The following MKLN1 variants were observed in gnomAD, a reference collection of about 807,000 sequenced individuals.
MKLN1 encodes muskelin.
In MKLN1, 18 loss-of-function variants were observed where a neutral mutation model predicts 99.0. The ratio of observed to expected loss-of-function variants is 0.18; its 90% CI spans 0.13 to 0.27. The LOEUF (loss-of-function observed/expected upper bound fraction) is 0.27. Among genes scored for constraint, MKLN1 ranks in the 10% least tolerant of loss-of-function variants. The pLI, the probability that MKLN1 is intolerant of heterozygous loss-of-function variation, is 1.00. For synonymous variants in MKLN1, 288 were observed against 293.2 expected (o/e 0.98, Z 0.18); for missense variants, 621 against 875.9 (o/e 0.71, Z 3.67).
chr7:131,290,934 C>G (rs1461811436), intron 3 of MKLN1, among the ~76,000 whole-genome samples: 2 of 152,080 alleles, frequency 1.3e-5, no homozygotes, highest in Non-Finnish European at 2.9e-5. Context: ...ATAACACTGA[C>G]TCTAGGTCAG....
At chr7:131,392,896 C>T (rs13224041) in intron 4 of MKLN1, among the ~76,000 whole-genome samples, 11 of 151,768 alleles carry the variant, frequency 7.2e-5, no homozygotes, top group East Asian at 1.9e-4. Context: ...TGAGCCACTG[C>T]GCCTGGCCTA....
chr7:131,469,012 A>G (rs1188822484), intron 15 of MKLN1, among the ~76,000 whole-genome samples: 1 of 152,196 alleles, frequency 6.6e-6, no homozygotes, highest in Admixed American at 6.5e-5. Context: ...ATACTGGAAC[A>G]ATTCTAGTAG....
chr7:131,428,086 G>A (rs1345775206), intron 8 of MKLN1, among the ~76,000 whole-genome samples: 2 of 152,024 alleles, frequency 1.3e-5, no homozygotes, highest in South Asian at 2.1e-4. Context: ...TGGAGGGATT[G>A]CTTGAACCCA....
chr7:131,395,577 GT>G (rs1794337422), intron 4 of MKLN1, among the ~76,000 whole-genome samples: 1 of 151,372 alleles, frequency 6.6e-6, no homozygotes, highest in African/African-American at 2.4e-5. Flanking sequence ...GGTGCCATTA[GT>G]TTGGTACCAA....
chr7:131,134,356 T>A (rs906916363), intron 1 of MKLN1, among the ~76,000 whole-genome samples: 35 of 152,140 alleles, frequency 2.3e-4, no homozygotes, highest in Non-Finnish European at 4.1e-4. Flanking sequence ...TCAGGCTTTT[T>A]TTCAGTGTTC....
At position 131,242,555 on chromosome 7, in the gene MKLN1, T is replaced by G. The variant is rs1008324860; in HGVS notation, c.-179+39581T>G. 1.1e-5 allele frequency: 4 copies of G among 377,006 alleles called. No individual in the cohort carries two copies. The Admixed American group carries it at 1.3e-4, about 13-fold the overall frequency. 23.4% of individuals were successfully genotyped at this position (377,006 alleles called of 1,614,324 possible). A position where few individuals can be genotyped will look rare whatever the true frequency, so the allele number is the denominator to read the frequency against. On this transcript the variant is annotated intron_variant, in intron 3 of 7. Transcript: ENST00000416992. ...TGTCTCTTAAAAAGAAAAAGGAAAG[T>G]TCCTTTTTGCTATAGGCCCGAGGGG...
chr7:131,133,819 G>GTTTTTT lies in MKLN1; in HGVS notation c.-418-9001_-418-9000insTTTTTT, dbSNP rs1563226557. ...ACTTCTTTTTTTTTTTTTTTAATTT[G>GTTTTTT]GTTTTTTTTTTTTTTTTTTTTTTTT... On this transcript the variant is annotated intron_variant, in intron 1 of 7. Coordinates refer to the MKLN1 transcript ENST00000416992. Among the ~76,000 whole-genome samples the GTTTTTT allele has an allele frequency of 2.1e-4, 14 of 67,236 alleles. 2 individuals carry two copies. The highest frequency in any genetic ancestry group is 5.3e-4 in the Admixed American group (3 of 5,672). The allele number at this position is 67,236 out of a possible 152,430, so 44.1% of individuals were successfully genotyped here.
chr7:131,437,107 G>T (rs1795695851), intron 9 of MKLN1, among the ~76,000 whole-genome samples: 1 of 151,506 alleles, frequency 6.6e-6, no homozygotes, highest in African/African-American at 2.4e-5. Context: ...TAAGTTCTAG[G>T]GTACCTGTGC....
chr7:131,273,775 C>T (rs1797921874), intron 3 of MKLN1, among the ~76,000 whole-genome samples: 1 of 151,936 alleles, frequency 6.6e-6, no homozygotes, highest in African/African-American at 2.4e-5. Flanking sequence ...CAGCGTGTGC[C>T]ACCATGTCTT....
chr7:131,342,251 C>T (rs1245635355), intron 1 of MKLN1, among the ~76,000 whole-genome samples: 1 of 151,572 alleles, frequency 6.6e-6, no homozygotes, highest in African/African-American at 2.4e-5. Flanking sequence ...GGGATTAGAT[C>T]GCAAATTGCT....
intron 1 of MKLN1, among the ~76,000 whole-genome samples, chr7:131,374,906 A>G (rs1420009404): frequency 6.6e-6 from 1 of 151,398 alleles, no homozygotes; most frequent in Non-Finnish European, 1.5e-5. Context: ...TTTTATTTTT[A>G]GGTATTTTAT....
At chr7:131,226,312 C>G (rs1272314535) in intron 3 of MKLN1, among the ~76,000 whole-genome samples, 1 of 152,212 alleles carries the variant, frequency 6.6e-6, no homozygotes, top group Non-Finnish European at 1.5e-5. Context: ...TTTCTGCAGT[C>G]TTTCAGAACT....
At chr7:131,386,014 C>CG (rs377081462) in intron 2 of MKLN1, among the ~76,000 whole-genome samples, 1 of 132,956 alleles carries the variant, frequency 7.5e-6, no homozygotes, top group Non-Finnish European at 1.6e-5. Context: ...GGTCTTCAGT[C>CG]TTTTTTTTTT....
At chr7:131,262,473 T>C (rs1160560318) in intron 3 of MKLN1, among the ~76,000 whole-genome samples, 2 of 151,952 alleles carry the variant, frequency 1.3e-5, no homozygotes, top group Non-Finnish European at 2.9e-5. Context: ...CACTACCCCC[T>C]CCTCCAAAAT....
intron 3 of MKLN1, among the ~76,000 whole-genome samples, chr7:131,241,943 G>A (rs957835688): frequency 2.0e-5 from 3 of 151,992 alleles, no homozygotes; most frequent in Admixed American, 1.3e-4. Flanking sequence ...TCTCTTACCC[G>A]CTTGCAACAC....
At chr7:131,162,211 C>CAAAAATA (rs1467387388) in intron 2 of MKLN1, among the ~76,000 whole-genome samples, 1 of 151,824 alleles carries the variant, frequency 6.6e-6, no homozygotes, top group African/African-American at 2.4e-5. Flanking sequence ...CACCACCAAG[C>CAAAAATA]CCGGCTAATT....
At chr7:131,199,499 C>T (rs1482030365) in intron 2 of MKLN1, among the ~76,000 whole-genome samples, 1 of 152,178 alleles carries the variant, frequency 6.6e-6, no homozygotes, top group Non-Finnish European at 1.5e-5. Context: ...TCAACCCAAA[C>T]TCTTTATTTC....
intron 3 of MKLN1, among the ~76,000 whole-genome samples, chr7:131,245,527 G>T (rs1317845690): frequency 1.3e-5 from 2 of 152,104 alleles, no homozygotes; most frequent in African/African-American, 2.4e-5. Context: ...CCCGCCCCCG[G>T]CCTCGGCCTC....
intron 3 of MKLN1, among the ~76,000 whole-genome samples, chr7:131,289,673 T>A (rs1203786692): frequency 6.6e-6 from 1 of 152,236 alleles, no homozygotes; most frequent in Non-Finnish European, 1.5e-5. Flanking sequence ...GGGCAGTTAT[T>A]TAACTTTCCT....
Sources: gnomAD v4.1 joint callset for allele counts (sites outside exome capture counted in the v4.1 genomes callset) on GRCh38, gnomAD v4.1.1 for gene constraint, MANE v1.5 for transcripts, NCBI Gene and HGNC (gene_info 2026-07-23, HGNC 2026-07-21) for gene names.